EIF4A2: variants seen among roughly 807,000 people sequenced by gnomAD.
EIF4A2 encodes eukaryotic translation initiation factor 4A2, also known as eukaryotic initiation factor 4A-II.
EIF4A2 carries 9 observed loss-of-function variants against 50.6 expected under a neutral mutation model. The ratio of observed to expected loss-of-function variants is 0.18; its 90% CI spans 0.11 to 0.31. The LOEUF (loss-of-function observed/expected upper bound fraction) is 0.31, where lower values mean the gene tolerates loss of function less well. Among genes scored for constraint, EIF4A2 ranks in the 10% least tolerant of loss-of-function variants. EIF4A2 has a pLI of 1.00. For missense variants in EIF4A2, 182 were observed against 501.8 expected, an observed-to-expected ratio of 0.36 and a Z score of 6.09; for synonymous variants, 215 against 164.4, an observed-to-expected ratio of 1.31 and a Z score of -2.35.
intron 10 of EIF4A2, 104 bp downstream of exon 10, chr3:186,787,986 C>G: frequency 8.7e-7 from 1 of 1,153,724 alleles, no homozygotes; most frequent in South Asian, 1.4e-5. Context: ...TCAGTAAAGT[C>G]AGTAGTGTTC....
At chr3:186,789,000 C>A in intron 10 of EIF4A2, 125 bp from the exon 11 acceptor site, 1 of 1,362,022 alleles carries the variant, frequency 7.3e-7, no homozygotes, top group Non-Finnish European at 9.8e-7. Context: ...GCTAGTGCTC[C>A]AGTTAGAAGC....
intron 4 of EIF4A2, chr3:186,785,387 C>T: frequency 2.2e-6 from 1 of 446,232 alleles, no homozygotes; most frequent in Non-Finnish European, 4.0e-6. Context: ...ATGAAAACTG[C>T]AGTGACATGT....
At chr3:186,788,743 G>A (rs917078726) in intron 10 of EIF4A2, 10 of 227,942 alleles carry the variant, frequency 4.4e-5, no homozygotes, top group South Asian at 2.5e-4. Context: ...CCAGAAGTGC[G>A]TCGAAATGGA....
chr3:186,786,403 A>T, intron 6 of EIF4A2, 99 bp from the exon 7 acceptor site: 6 of 1,538,856 alleles, frequency 3.9e-6, no homozygotes, highest in Non-Finnish European at 5.3e-6. Context: ...AACTCTGTCT[A>T]CCTTCATTCC....
intron 10 of EIF4A2, chr3:186,788,337 A>G: frequency 1.5e-6 from 2 of 1,290,376 alleles, no homozygotes; most frequent in South Asian, 1.2e-5. Flanking sequence ...TGGTGACGAG[A>G]TGGCACTCAG....
At chr3:186,784,247 T>C in intron 1 of EIF4A2, 185 bp from the exon 2 acceptor site, 1 of 829,624 alleles carries the variant, frequency 1.2e-6, no homozygotes, top group Non-Finnish European at 1.9e-6. Context: ...GGGGCTGCCT[T>C]TCCGGGCATC....
At position 186,789,711 on chromosome 3, in the gene EIF4A2, TTGAA is replaced by T. The variant is rs1372545237; in HGVS notation, c.*445_*448del. Reference sequence around the variant, plus strand: ...CCTTTAAAATTTTTTTAGAAAGCATTTGAATGCATTTTGTTTGGTATTGTATTTA... The same window carrying T: ...CCTTTAAAATTTTTTTAGAAAGCATTTGCATTTTGTTTGGTATTGTATTTA... On this transcript the variant is annotated 3_prime_UTR_variant, in exon 11 of 11. Coordinates refer to ENST00000323963, the MANE Select transcript of EIF4A2 (RefSeq NM_001967.4). The T allele has an allele frequency of 2.6e-6, 1 of 391,574 alleles. No individual in the cohort carries two copies. Among genetic ancestry groups the T allele is most frequent in the Non-Finnish European group, 4.6e-6 (1 of 218,278 alleles). 24.3% of individuals were successfully genotyped at this position (391,574 alleles called of 1,614,324 possible).
intron 4 of EIF4A2, 108 bp downstream of exon 4, chr3:186,785,209 C>G (rs888168641): frequency 6.7e-7 from 1 of 1,490,318 alleles, no homozygotes; most frequent in African/African-American, 1.4e-5. Context: ...CCAGATCCCT[C>G]CTTTTAATTG....
chr3:186,784,765 C>T (rs761621888), intron 3 of EIF4A2, 69 bp downstream of exon 3: 11 of 1,608,572 alleles, frequency 6.8e-6, no homozygotes, highest in African/African-American at 1.3e-5. Flanking sequence ...AAAGTAACCT[C>T]TGGGGGACTA....
In EIF4A2 at chr3:186,786,651, T is replaced by C. The variant is rs1721726945; in HGVS notation, c.771+6T>C. 1 of 1,613,630 alleles carries C rather than the reference T, an allele frequency of 6.2e-7. No individual in the cohort carries two copies. Among genetic ancestry groups the C allele is most frequent in the South Asian group, 1.1e-5 (1 of 91,054 alleles). ...ATATTAATGTTGAGAGAGAGGTAAC[T>C]GTCTGATTGTTAGACATTATTTTAC... On this transcript the variant is annotated splice_donor_region_variant and intron_variant, in intron 7 of 10. Coordinates refer to ENST00000323963, the MANE Select transcript of EIF4A2 (RefSeq NM_001967.4).
rs765913338 is a variant in EIF4A2 at position 186,786,293 on chromosome 3, C to T, written c.627+20C>T. 3.7e-6 allele frequency: 6 copies of T among 1,601,518 alleles called. No individual in the cohort carries two copies. The highest frequency in any genetic ancestry group is 1.7e-4 in the Middle Eastern group (1 of 5,858). On this transcript the variant is annotated intron_variant, in intron 6 of 10. Coordinates refer to ENST00000323963, the MANE Select transcript of EIF4A2 (RefSeq NM_001967.4). Reference sequence around the variant, plus strand: ...ATTCAGGTAAGCATTACTTCACCCCCCTCTTAAAGGTAGAGATGGGGTTTA... The same window carrying T: ...ATTCAGGTAAGCATTACTTCACCCCTCTCTTAAAGGTAGAGATGGGGTTTA...
chr3:186,784,341 CGTGCTG>C (rs1721564768), intron 1 of EIF4A2, 85 bp from the exon 2 acceptor site: 11 of 1,582,504 alleles, frequency 7.0e-6, no homozygotes, highest in Non-Finnish European at 9.5e-6. Context: ...GGGAGGCTAA[CGTGCTG>C]AGACGGGTTG....
chr3:186,786,108 T>C, intron 5 of EIF4A2, 56 bp from the exon 6 acceptor site: 4 of 1,601,426 alleles, frequency 2.5e-6, no homozygotes, highest in Non-Finnish European at 3.4e-6. Context: ...AGTTGAAAAG[T>C]CAAATTGTAT....
chr3:186,784,838 G>A (rs1168864602), intron 3 of EIF4A2, 124 bp from the exon 4 acceptor site: 8 of 1,599,296 alleles, frequency 5.0e-6, no homozygotes, highest in African/African-American at 1.3e-5. Context: ...GACCTGAAAT[G>A]AAGAGAATAC....
rs1308098159 is a variant in EIF4A2 at position 186,785,605 on chromosome 3, C to T, written c.349-278C>T. The T allele has an allele frequency of 2.3e-5, 9 of 399,106 alleles. No homozygotes were observed. The South Asian group carries it at 4.3e-4, about 19-fold the overall frequency. The allele number at this position is 399,106 out of a possible 1,614,324, so 24.7% of individuals were successfully genotyped here. A position where few individuals can be genotyped will look rare whatever the true frequency, so the allele number is the denominator to read the frequency against. Reference sequence around the variant, plus strand: ...AGAACATAAATTTCACTACGTACTCCCTACCTACAGTGAAGAATAATGTAG... The same window carrying T: ...AGAACATAAATTTCACTACGTACTCTCTACCTACAGTGAAGAATAATGTAG... On this transcript the variant is annotated intron_variant, in intron 4 of 10. Transcript: ENST00000323963.
At position 186,783,593 on chromosome 3, in the gene EIF4A2, T is replaced by A; in HGVS notation, c.-18T>A. On this transcript the variant is annotated 5_prime_UTR_variant, in exon 1 of 11. Transcript: ENST00000323963. The stretch of plus-strand genomic sequence containing the variant: ...CGCCGCTGTCTTTTCAGTCGGGCGC[T>A]GAGTGGTTTTTCGGATCATGTCTGG... 1 of 1,614,106 alleles carries A rather than the reference T, an allele frequency of 6.2e-7. No homozygotes were observed. The highest frequency in any genetic ancestry group is 8.5e-7 in the Non-Finnish European group (1 of 1,180,010).
chr3:186,786,180 A>G lies in EIF4A2; in HGVS notation c.534A>G (p.Lys178=), dbSNP rs528542375. The G allele has an allele frequency of 6.2e-7, 1 of 1,613,864 alleles. No homozygotes were observed. Among genetic ancestry groups the G allele is most frequent in the Non-Finnish European group, 8.5e-7 (1 of 1,179,850 alleles). Residue 178 remains lysine, a synonymous_variant, in exon 6 of 11, where the codon AAA becomes AAG. Transcript: ENST00000323963. Reference sequence around the variant, plus strand: ...TTCTAACAGCTCCAAAATGGATCAAAATGTTTGTTTTGGATGAAGCAGATG... The same window carrying G: ...TTCTAACAGCTCCAAAATGGATCAAGATGTTTGTTTTGGATGAAGCAGATG... ...NRRYLSPKWI[K]MFVLDEADEM...
Position 186,785,876 on chromosome 3 carries a change from G to A in EIF4A2, c.349-7G>A. On this transcript the variant is annotated splice_polypyrimidine_tract_variant and splice_region_variant and intron_variant, in intron 4 of 10. Transcript: ENST00000323963. ...CTGCGGAATAATAATTAAGGCTTGG[G>A]TTTTAGATCCAAAAGGTAATTCTGG... 2 of 1,586,684 alleles carry A rather than the reference G, an allele frequency of 1.3e-6. No individual in the cohort carries two copies. Among genetic ancestry groups the A allele is most frequent in the Non-Finnish European group, 1.7e-6 (2 of 1,158,906 alleles).
chr3:186,788,541 C>G, intron 10 of EIF4A2: 2 of 812,480 alleles, frequency 2.5e-6, no homozygotes, highest in South Asian at 2.2e-5. Context: ...TTTGTATTGT[C>G]TGGTTTCTAA....
Sources: allele counts gnomAD v4.1 joint callset, GRCh38; gene constraint gnomAD v4.1.1; transcripts MANE v1.5; gene names NCBI Gene and HGNC (gene_info 2026-07-23, HGNC 2026-07-21).